Variants in DLG2 observed in about 807,000 individuals in gnomAD.
DLG2 encodes discs large MAGUK scaffold protein 2, also known as disks large homolog 2.
A neutral mutation model predicts 132.5 loss-of-function variants in DLG2; 45 were observed. The observed-to-expected ratio is 0.34, with a 90% CI of 0.27 to 0.44. The LOEUF is 0.44. Among genes scored for constraint, DLG2 ranks in the 20% least tolerant of loss-of-function variants. The pLI, the probability that DLG2 is intolerant of heterozygous loss-of-function variation, is 1.00. For missense variants in DLG2, 1,045 were observed against 1,196.9 expected, an observed-to-expected ratio of 0.87 and a Z score of 1.87; for synonymous variants, 424 against 419.6, an observed-to-expected ratio of 1.01 and a Z score of -0.13.
At chr11:85,348,206 C>T (rs1417167033) in intron 3 of DLG2, among the ~76,000 whole-genome samples, 2 of 149,900 alleles carry the variant, frequency 1.3e-5, no homozygotes, top group African/African-American at 2.5e-5. Context: ...AGGATGGTCT[C>T]AACCTCTTTA....
At chr11:84,499,848 G>A (rs2099197798) in intron 7 of DLG2, among the ~76,000 whole-genome samples, 1 of 152,018 alleles carries the variant, frequency 6.6e-6, no homozygotes, top group Admixed American at 6.6e-5. Flanking sequence ...TGGCATAGGA[G>A]GTAAGATTGT....
At chr11:84,027,035 G>A (rs2095554064) in intron 11 of DLG2, among the ~76,000 whole-genome samples, 1 of 151,954 alleles carries the variant, frequency 6.6e-6, no homozygotes, top group Admixed American at 6.6e-5. Context: ...GTTTTAGGGT[G>A]GGTCTAAAAT....
At chr11:83,554,904 G>A (rs919113573) in intron 19 of DLG2, among the ~76,000 whole-genome samples, 1 of 152,212 alleles carries the variant, frequency 6.6e-6, no homozygotes, top group African/African-American at 2.4e-5. Context: ...CATGCATTAT[G>A]TTAGGTATTT....
At chr11:85,453,943 T>C (rs186154731) in intron 3 of DLG2, among the ~76,000 whole-genome samples, 8 of 152,152 alleles carry the variant, frequency 5.3e-5, no homozygotes, top group African/African-American at 1.7e-4. Context: ...CCTCCACCCT[T>C]AAGCAGGCCC....
intron 6 of DLG2, among the ~76,000 whole-genome samples, chr11:84,608,319 G>A (rs1384189673): frequency 5.3e-5 from 8 of 152,092 alleles, no homozygotes; most frequent in Non-Finnish European, 2.9e-5. Flanking sequence ...TTGTTTGTGT[G>A]TTTGTTTTTA....
chr11:85,504,665 C>T (rs1284208474), intron 3 of DLG2, among the ~76,000 whole-genome samples: 1 of 152,130 alleles, frequency 6.6e-6, no homozygotes, highest in Non-Finnish European at 1.5e-5. Context: ...CAGCTTTGTT[C>T]TTTTGCCTTA....
chr11:85,070,276 C>T (rs2065636639), intron 6 of DLG2, among the ~76,000 whole-genome samples: 1 of 150,918 alleles, frequency 6.6e-6, no homozygotes, highest in East Asian at 2.0e-4. Flanking sequence ...ATGTTGTGCA[C>T]ATGTACCCTA....
chr11:84,605,386 A>G (rs2099583616), intron 6 of DLG2, among the ~76,000 whole-genome samples: 1 of 151,952 alleles, frequency 6.6e-6, no homozygotes, highest in South Asian at 2.1e-4. Flanking sequence ...TCTCATAATT[A>G]TGCACAATTT....
At position 85,337,689 on chromosome 11, in the gene DLG2, A is replaced by G. The variant is rs897301337; in HGVS notation, c.41-52324T>C. ...TGCTTATGCTGATTAGGCTCAGTAA[A>G]GTCTAGATAAGTCCTTCCTGGTGCT... On this transcript the variant is annotated intron_variant, in intron 3 of 27. Transcript: ENST00000376104. Among the ~76,000 whole-genome samples, 4 of 151,976 alleles carry G rather than the reference A, an allele frequency of 2.6e-5. No homozygotes were observed. In the South Asian group the frequency reaches 8.3e-4, roughly 32 times the overall value.
chr11:85,482,976 A>G (rs1174955974), intron 3 of DLG2, among the ~76,000 whole-genome samples: 1 of 152,238 alleles, frequency 6.6e-6, no homozygotes, highest in Non-Finnish European at 1.5e-5. Context: ...AAATATACAT[A>G]TATCTCTCTG....
chr11:85,066,689 A>C (rs1002253055), intron 6 of DLG2, among the ~76,000 whole-genome samples: 1 of 151,786 alleles, frequency 6.6e-6, no homozygotes, highest in Non-Finnish European at 1.5e-5. Context: ...AATAAAAAAA[A>C]CTATATGATT....
chr11:83,541,301 G>A (rs113818782), intron 20 of DLG2, among the ~76,000 whole-genome samples: 142 of 152,142 alleles, frequency 9.3e-4, no homozygotes, highest in African/African-American at 3.3e-3. Context: ...ATTTGCCTTC[G>A]ACTTGGCCTT....
intron 3 of DLG2, among the ~76,000 whole-genome samples, chr11:85,482,159 C>T (rs779044773): frequency 6.6e-6 from 1 of 151,982 alleles, no homozygotes; most frequent in Non-Finnish European, 1.5e-5. Flanking sequence ...GCTTCAGGCC[C>T]ACTTGACCAT....
At chr11:85,282,029 A>G (rs1023491985) in intron 4 of DLG2, among the ~76,000 whole-genome samples, 1 of 151,964 alleles carries the variant, frequency 6.6e-6, no homozygotes, top group Admixed American at 6.6e-5. Flanking sequence ...ACTTGACTAA[A>G]AAAAAAATAA....
At chr11:84,407,723 C>T (rs2098863767) in intron 7 of DLG2, among the ~76,000 whole-genome samples, 1 of 152,174 alleles carries the variant, frequency 6.6e-6, no homozygotes, top group Non-Finnish European at 1.5e-5. Flanking sequence ...GTGTAACACT[C>T]TGATTTCACA....
chr11:85,384,682 C>T (rs2086178424), intron 3 of DLG2, among the ~76,000 whole-genome samples: 1 of 152,156 alleles, frequency 6.6e-6, no homozygotes, highest in Non-Finnish European at 1.5e-5. Flanking sequence ...GATTCTCCTG[C>T]CTTAACCCCC....
intron 18 of DLG2, among the ~76,000 whole-genome samples, chr11:83,771,045 C>T (rs1244201863): frequency 6.6e-6 from 1 of 152,216 alleles, no homozygotes; most frequent in African/African-American, 2.4e-5. Context: ...CTCAGCACGT[C>T]CTTCTGTCTC....
At chr11:84,207,269 C>T (rs2096682997) in intron 8 of DLG2, among the ~76,000 whole-genome samples, 1 of 151,796 alleles carries the variant, frequency 6.6e-6, no homozygotes, top group East Asian at 1.9e-4. Flanking sequence ...TCATAGCAGG[C>T]TTTCTGCAGA....
intron 21 of DLG2, among the ~76,000 whole-genome samples, chr11:83,486,882 T>A (rs1004322636): frequency 2.0e-5 from 3 of 152,238 alleles, no homozygotes; most frequent in African/African-American, 7.2e-5. Context: ...ATTTCAACTA[T>A]AAGAGAGACT....
Sources: gnomAD v4.1 joint callset for allele counts (sites outside exome capture counted in the v4.1 genomes callset) on GRCh38, gnomAD v4.1.1 for gene constraint, MANE v1.5 for transcripts, NCBI Gene and HGNC (gene_info 2026-07-23, HGNC 2026-07-21) for gene names.